RSPO2: variants seen among roughly 807,000 people sequenced by gnomAD.
RSPO2 encodes R-spondin 2, also known as R-spondin-2.
In RSPO2, 14 loss-of-function variants were observed where a neutral mutation model predicts 30.9. The observed-to-expected ratio is 0.45, with a 90% CI of 0.30 to 0.71. The LOEUF (loss-of-function observed/expected upper bound fraction) is 0.71, where lower values mean the gene tolerates loss of function less well. Among genes scored for constraint, RSPO2 ranks in the 30% least tolerant of loss-of-function variants. The probability of loss-of-function intolerance (pLI) is 0.08; values close to 1 mark genes in which losing one functional copy is unlikely to be tolerated. For missense variants in RSPO2, 264 were observed against 301.9 expected, an observed-to-expected ratio of 0.87 and a Z score of 0.93; for synonymous variants, 107 against 96.4, an observed-to-expected ratio of 1.11 and a Z score of -0.64.
rs187957045 is a variant in RSPO2 at position 107,994,913 on chromosome 8, G to A, written c.95-5669C>T. 5.3e-5 allele frequency among the ~76,000 whole-genome samples: 8 copies of A among 152,060 alleles called. No individual in the cohort carries two copies. In the East Asian group the frequency reaches 1.2e-3, roughly 22 times the overall value. ...ATTCCTTTATTATAACAATTTAATG[G>A]CCATTATATTTATAGCAACTTGCAG... On this transcript the variant is annotated intron_variant, in intron 2 of 5. Transcript: ENST00000276659.
At chr8:108,024,033 T>A (rs1811129275) in intron 2 of RSPO2, among the ~76,000 whole-genome samples, 2 of 152,140 alleles carry the variant, frequency 1.3e-5, no homozygotes, top group Admixed American at 1.3e-4. Flanking sequence ...AATTTCATGG[T>A]GTGTTGTCCA....
At chr8:108,080,908 G>C (rs1012130889) in intron 2 of RSPO2, among the ~76,000 whole-genome samples, 2 of 152,176 alleles carry the variant, frequency 1.3e-5, no homozygotes, top group Non-Finnish European at 2.9e-5. Context: ...ATCAAAAATT[G>C]CTGGCTCTGC....
Position 107,941,894 on chromosome 8 carries a change from C to CAATCA in RSPO2, c.616+16185_616+16186insTGATT, listed in dbSNP as rs754825095. 3.3e-3 allele frequency among the ~76,000 whole-genome samples: 503 copies of CAATCA among 152,274 alleles called. 2 individuals are homozygous for CAATCA. The highest frequency in any genetic ancestry group is 5.3e-3 in the Non-Finnish European group (361 of 68,014). On this transcript the variant is annotated intron_variant, in intron 5 of 5. Transcript: ENST00000276659. ...AAAAGGGAAAGATTTGAATTAGGTT[C>CAATCA]TAGAAAGTCTCATGATTGTGCAGAA...
At chr8:108,072,692 A>C (rs1812897189) in intron 2 of RSPO2, among the ~76,000 whole-genome samples, 1 of 152,002 alleles carries the variant, frequency 6.6e-6, no homozygotes, top group Non-Finnish European at 1.5e-5. Context: ...AGGGGGAATA[A>C]GAACTTAAAA....
chr8:107,968,447 C>T (rs764655775), intron 3 of RSPO2, among the ~76,000 whole-genome samples: 60 of 151,642 alleles, frequency 4.0e-4, no homozygotes, highest in Non-Finnish European at 6.9e-4. Context: ...AGACTGAGAA[C>T]GGAAGGGGAT....
At chr8:107,926,972 T>G (rs1300518541) in intron 5 of RSPO2, among the ~76,000 whole-genome samples, 3 of 152,160 alleles carry the variant, frequency 2.0e-5, no homozygotes, top group Non-Finnish European at 2.9e-5. Context: ...ATTGAATCTA[T>G]AAATTACCTT....
chr8:107,974,421 G>C (rs1053734834), intron 3 of RSPO2, among the ~76,000 whole-genome samples: 1 of 152,158 alleles, frequency 6.6e-6, no homozygotes, highest in South Asian at 2.1e-4. Flanking sequence ...CTGAGAGATA[G>C]GAGGATGGGT....
intron 2 of RSPO2, among the ~76,000 whole-genome samples, chr8:108,071,768 C>A (rs920145708): frequency 6.6e-6 from 1 of 152,186 alleles, no homozygotes; most frequent in Non-Finnish European, 1.5e-5. Flanking sequence ...ACCTCTAGAA[C>A]GTCATCAAGA....
intron 2 of RSPO2, among the ~76,000 whole-genome samples, chr8:108,008,255 CT>C (rs1227024396): frequency 1.3e-5 from 2 of 152,116 alleles, no homozygotes; most frequent in African/African-American, 2.4e-5. Context: ...AAATTTCTTG[CT>C]TTTTTTCTAA....
intron 5 of RSPO2, among the ~76,000 whole-genome samples, 158 bp downstream of exon 5, chr8:107,957,922 C>T (rs887742520): frequency 6.6e-6 from 1 of 152,166 alleles, no homozygotes; most frequent in African/African-American, 2.4e-5. Context: ...ACAACTGAAG[C>T]ATTTGTTTTT....
intron 5 of RSPO2, among the ~76,000 whole-genome samples, chr8:107,946,727 T>C (rs941429604): frequency 6.6e-6 from 1 of 152,166 alleles, no homozygotes; most frequent in Non-Finnish European, 1.5e-5. Context: ...CTCTCAACAA[T>C]CTTATTGAGA....
chr8:108,063,946 T>C (rs886267281), intron 2 of RSPO2, among the ~76,000 whole-genome samples: 9 of 152,174 alleles, frequency 5.9e-5, no homozygotes, highest in African/African-American at 2.2e-4. Flanking sequence ...CCCTATTTAA[T>C]AAATGGTGCT....
At chr8:108,079,625 G>C (rs1473216639) in intron 2 of RSPO2, among the ~76,000 whole-genome samples, 1 of 151,234 alleles carries the variant, frequency 6.6e-6, no homozygotes, top group Non-Finnish European at 1.5e-5. Flanking sequence ...TCATAGAGCA[G>C]ACTAAACATA....
intron 2 of RSPO2, among the ~76,000 whole-genome samples, chr8:108,011,540 A>G (rs1810713090): frequency 1.3e-5 from 2 of 152,252 alleles, no homozygotes; most frequent in Non-Finnish European, 2.9e-5. Flanking sequence ...GTTTTAAAGA[A>G]GAATAATTTG....
intron 2 of RSPO2, among the ~76,000 whole-genome samples, chr8:108,045,763 TG>T (rs1407950425): frequency 6.6e-6 from 1 of 152,168 alleles, no homozygotes; most frequent in Non-Finnish European, 1.5e-5. Context: ...TACATACATC[TG>T]AAAAGACTTA....
chr8:108,032,376 T>C (rs542070270), intron 2 of RSPO2, among the ~76,000 whole-genome samples: 2 of 152,172 alleles, frequency 1.3e-5, no homozygotes, highest in Non-Finnish European at 2.9e-5. Flanking sequence ...CACTCTTAAA[T>C]TTTTCTGTCA....
intron 4 of RSPO2, 68 bp from the exon 5 acceptor site, chr8:107,958,336 G>T: frequency 7.7e-7 from 1 of 1,293,878 alleles, no homozygotes; most frequent in Non-Finnish European, 1.1e-6. Context: ...TTGCTTCACT[G>T]TCATCAAATT....
chr8:108,043,709 T>G (rs1418245457), intron 2 of RSPO2, among the ~76,000 whole-genome samples: 2 of 152,108 alleles, frequency 1.3e-5, no homozygotes, highest in African/African-American at 4.8e-5. Flanking sequence ...GCAACTTGGC[T>G]GAACTTTACA....
intron 2 of RSPO2, among the ~76,000 whole-genome samples, chr8:108,005,541 G>T (rs1341006972): frequency 6.6e-6 from 1 of 150,822 alleles, no homozygotes. Context: ...CTGCTTGTTT[G>T]TTACGTCAAA....
Sources: allele counts gnomAD v4.1 joint callset (sites outside exome capture counted in the v4.1 genomes callset), GRCh38; gene constraint gnomAD v4.1.1; transcripts MANE v1.5; gene names NCBI Gene and HGNC (gene_info 2026-07-23, HGNC 2026-07-21).